Variants in HS6ST3 observed in about 807,000 individuals in gnomAD.
HS6ST3 encodes heparan sulfate 6-O-sulfotransferase 3.
A neutral mutation model predicts 36.7 loss-of-function variants in HS6ST3; 12 were observed. The ratio of observed to expected loss-of-function variants is 0.33; its 90% CI spans 0.21 to 0.53. The LOEUF (loss-of-function observed/expected upper bound fraction) is 0.53, where lower values mean the gene tolerates loss of function less well. HS6ST3 is among the 20% of genes least tolerant of loss of function. The pLI, the probability that HS6ST3 is intolerant of heterozygous loss-of-function variation, is 0.95. For missense variants in HS6ST3, 584 were observed against 640.9 expected (o/e 0.91, Z 0.96); for synonymous variants, 240 against 257.5 (o/e 0.93, Z 0.65).
Position 96,656,243 on chromosome 13 carries a change from A to C in HS6ST3, c.708-176247A>C, listed in dbSNP as rs2056624282. On this transcript the variant is annotated intron_variant, in intron 1 of 1. Coordinates refer to ENST00000376705, the MANE Select transcript of HS6ST3 (RefSeq NM_153456.4). ...AAGTCTAAAGTTATATGCTGAATTGAGCAGAGGAGACCACTAAAGCAATTT... is the reference window on the plus strand; with the variant it reads ...AAGTCTAAAGTTATATGCTGAATTGCGCAGAGGAGACCACTAAAGCAATTT... Among the ~76,000 whole-genome samples, 6 of 152,174 alleles carry C rather than the reference A, an allele frequency of 3.9e-5. No homozygotes were observed. In the South Asian group the frequency reaches 1.2e-3, roughly 31 times the overall value.
rs182078421 is a variant in HS6ST3, at chr13:96,147,269, T to C, written c.707+55700T>C. Among the ~76,000 whole-genome samples, 287 of 152,304 alleles carry C rather than the reference T, an allele frequency of 1.9e-3. 1 individual carries two copies. The highest frequency in any genetic ancestry group is 6.5e-3 in the African/African-American group (271 of 41,566). On this transcript the variant is annotated intron_variant, in intron 1 of 1. Coordinates refer to ENST00000376705, the MANE Select transcript of HS6ST3 (RefSeq NM_153456.4). ...AAGGCTGTGTATATTTCCCACTTTA[T>C]CCTGTATTTTTCAGGTTACCCCAAA...
intron 1 of HS6ST3, among the ~76,000 whole-genome samples, chr13:96,380,711 G>C (rs2055336754): frequency 6.6e-6 from 1 of 152,102 alleles, no homozygotes; most frequent in Non-Finnish European, 1.5e-5. Flanking sequence ...AATAGTTTTG[G>C]ATAAAGTAGC....
chr13:96,708,340 C>T (rs1369279647), intron 1 of HS6ST3, among the ~76,000 whole-genome samples: 1 of 152,156 alleles, frequency 6.6e-6, no homozygotes, highest in African/African-American at 2.4e-5. Flanking sequence ...CTATCTAGAG[C>T]ATATAAGATG....
chr13:96,758,078 TGGA>T (rs1302992320), intron 1 of HS6ST3, among the ~76,000 whole-genome samples: 5 of 152,056 alleles, frequency 3.3e-5, no homozygotes, highest in Admixed American at 3.3e-4. Context: ...GTTTTCTTTA[TGGA>T]GATGTTTTTT....
At chr13:96,379,894 A>G (rs1419176932) in intron 1 of HS6ST3, among the ~76,000 whole-genome samples, 2 of 152,062 alleles carry the variant, frequency 1.3e-5, no homozygotes, top group South Asian at 2.1e-4. Flanking sequence ...TAGTGCTTAG[A>G]TGAGCACTCT....
intron 1 of HS6ST3, among the ~76,000 whole-genome samples, chr13:96,501,142 C>A (rs893974592): frequency 3.9e-5 from 6 of 152,018 alleles, no homozygotes; most frequent in Non-Finnish European, 7.4e-5. Flanking sequence ...ATCTTACAAC[C>A]CACATCTATC....
At chr13:96,408,243 T>A (rs2055489012) in intron 1 of HS6ST3, among the ~76,000 whole-genome samples, 1 of 152,052 alleles carries the variant, frequency 6.6e-6, no homozygotes, top group South Asian at 2.1e-4. Flanking sequence ...TAGCCTGCAT[T>A]ATTTTTAATA....
intron 1 of HS6ST3, among the ~76,000 whole-genome samples, chr13:96,636,423 G>A (rs1004807324): frequency 2.6e-5 from 4 of 152,106 alleles, no homozygotes; most frequent in Non-Finnish European, 5.9e-5. Flanking sequence ...TGCCCACACA[G>A]GGCTGAGAGG....
intron 1 of HS6ST3, chr13:96,574,367 G>C (rs1351447348): frequency 1.4e-5 from 6 of 435,968 alleles, no homozygotes; most frequent in Non-Finnish European, 2.6e-5. Flanking sequence ...AATTACCAGT[G>C]AATTTGGAAA....
chr13:96,514,331 T>C (rs1200550677), intron 1 of HS6ST3, among the ~76,000 whole-genome samples: 8 of 152,150 alleles, frequency 5.3e-5, no homozygotes, highest in African/African-American at 7.2e-5. Flanking sequence ...AGATATAAAG[T>C]TTGAAAGGAG....
chr13:96,380,270 T>A (rs1472415081), intron 1 of HS6ST3, among the ~76,000 whole-genome samples: 2 of 151,732 alleles, frequency 1.3e-5, no homozygotes, highest in Admixed American at 6.6e-5. Flanking sequence ...AGCACTTTTT[T>A]TTTTTTTTTT....
At chr13:96,765,872 C>T (rs1449098414) in intron 1 of HS6ST3, among the ~76,000 whole-genome samples, 3 of 151,810 alleles carry the variant, frequency 2.0e-5, no homozygotes, top group African/African-American at 7.3e-5. Flanking sequence ...AAAAGCTTTA[C>T]CTGAGATGTA....
chr13:96,627,833 T>A (rs544019), intron 1 of HS6ST3, among the ~76,000 whole-genome samples: 145,382 of 151,962 alleles, frequency 0.96, 69,775 homozygotes, highest in East Asian at 1. Context: ...ATAATATCCT[T>A]TTATTACCTT....
chr13:96,284,544 C>T (rs188535474), intron 1 of HS6ST3, among the ~76,000 whole-genome samples: 61 of 152,214 alleles, frequency 4.0e-4, no homozygotes, highest in African/African-American at 1.4e-3. Flanking sequence ...TGCTGGAAGC[C>T]GATTAGGTTG....
At chr13:96,247,617 C>T (rs558214733) in intron 1 of HS6ST3, among the ~76,000 whole-genome samples, 1 of 152,240 alleles carries the variant, frequency 6.6e-6, no homozygotes, top group Admixed American at 6.5e-5. Context: ...ATAAATTACC[C>T]AGTTTTGGGT....
intron 1 of HS6ST3, among the ~76,000 whole-genome samples, chr13:96,564,162 A>G (rs2056272649): frequency 6.6e-6 from 1 of 152,198 alleles, no homozygotes; most frequent in Non-Finnish European, 1.5e-5. Flanking sequence ...GAGCATGAGT[A>G]ATTAGGCAAC....
rs561966380 is a variant in HS6ST3, at chr13:96,566,968, C to G, written c.708-265522C>G. Reference sequence around the variant, plus strand: ...AACAGGAATTTCTCATCAAAGCGTTCTCTAATTTTACAAACAAAAATAACT... The same window carrying G: ...AACAGGAATTTCTCATCAAAGCGTTGTCTAATTTTACAAACAAAAATAACT... On this transcript the variant is annotated intron_variant, in intron 1 of 1. Transcript: ENST00000376705. 2.6e-5 allele frequency among the ~76,000 whole-genome samples: 4 copies of G among 152,142 alleles called. No individual in the cohort carries two copies. The East Asian group carries it at 7.7e-4, about 29-fold the overall frequency.
intron 1 of HS6ST3, among the ~76,000 whole-genome samples, chr13:96,365,236 G>A (rs2055257388): frequency 6.6e-6 from 1 of 152,152 alleles, no homozygotes; most frequent in African/African-American, 2.4e-5. Flanking sequence ...CCCCTCACTG[G>A]ACTCTCTGAT....
intron 1 of HS6ST3, among the ~76,000 whole-genome samples, chr13:96,254,681 T>C (rs2054628537): frequency 6.6e-6 from 1 of 151,494 alleles, no homozygotes; most frequent in African/African-American, 2.4e-5. Context: ...GAAAGTGATG[T>C]CATTTCAGGT....
Sources: gnomAD v4.1 joint callset for allele counts (sites outside exome capture counted in the v4.1 genomes callset) on GRCh38, gnomAD v4.1.1 for gene constraint, MANE v1.5 for transcripts, NCBI Gene and HGNC (gene_info 2026-07-23, HGNC 2026-07-21) for gene names.